GBE1: variants seen among roughly 807,000 people sequenced by gnomAD.
The protein encoded by GBE1 is 1,4-alpha-glucan branching enzyme 1, also known as 1,4-alpha-glucan-branching enzyme.
A neutral mutation model predicts 88.8 loss-of-function variants in GBE1; 70 were observed. The observed-to-expected ratio is 0.79, with a 90% CI of 0.65 to 0.96. GBE1 has a LOEUF of 0.96. Among genes scored for constraint, GBE1 ranks in the 40% least tolerant of loss-of-function variants. The pLI is 0.00. For missense variants in GBE1, 872 were observed against 871.0 expected (o/e 1.00, Z -0.01); for synonymous variants, 284 against 300.1 (o/e 0.95, Z 0.56).
intron 1 of GBE1, among the ~76,000 whole-genome samples, chr3:81,726,900 A>G (rs1458912488): frequency 6.6e-6 from 1 of 152,116 alleles, no homozygotes; most frequent in Non-Finnish European, 1.5e-5. Context: ...ACTTCTTTTT[A>G]AAAATTACTT....
At chr3:81,625,243 C>T (rs1263310330) in intron 7 of GBE1, among the ~76,000 whole-genome samples, 1 of 152,158 alleles carries the variant, frequency 6.6e-6, no homozygotes, top group African/African-American at 2.4e-5. Context: ...AGACTCTAGA[C>T]ACTACTGATA....
intron 3 of GBE1, among the ~76,000 whole-genome samples, chr3:81,664,193 A>G (rs1039470149): frequency 1.3e-5 from 2 of 152,200 alleles, no homozygotes; most frequent in African/African-American, 4.8e-5. Context: ...TAAGATGAGA[A>G]GCAGTACTCT....
chr3:81,688,394 C>A (rs1705470475), intron 2 of GBE1, among the ~76,000 whole-genome samples: 1 of 151,926 alleles, frequency 6.6e-6, no homozygotes, highest in Admixed American at 6.5e-5. Flanking sequence ...AACACAGAAT[C>A]ACCCACAGAA....
chr3:81,686,539 C>T (rs1300695892), intron 2 of GBE1, among the ~76,000 whole-genome samples: 1 of 152,088 alleles, frequency 6.6e-6, no homozygotes, highest in African/African-American at 2.4e-5. Context: ...GGTGGATCAC[C>T]TGAGGTCAGG....
intron 3 of GBE1, among the ~76,000 whole-genome samples, chr3:81,665,861 G>A (rs1206569482): frequency 6.6e-6 from 1 of 152,170 alleles, no homozygotes; most frequent in Non-Finnish European, 1.5e-5. Context: ...CAGTGGTAAT[G>A]AAGGTGCAGC....
chr3:81,539,067 A>G lies in GBE1; in HGVS notation c.1619-1972T>C, dbSNP rs372286066. 5.3e-5 allele frequency among the ~76,000 whole-genome samples: 8 copies of G among 152,114 alleles called. No individual in the cohort carries two copies. In the East Asian group the frequency reaches 1.6e-3, roughly 30 times the overall value. On this transcript the variant is annotated intron_variant, in intron 12 of 15. Coordinates refer to ENST00000429644, the MANE Select transcript of GBE1 (RefSeq NM_000158.4). ...CACATGAATTAACCCTATCTTCCAC[A>G]ATTGTCTAAGGTAGGTAATATCATT...
chr3:81,581,122 G>C (rs896599427), intron 11 of GBE1, 43 bp downstream of exon 11: 4 of 1,095,870 alleles, frequency 3.7e-6, no homozygotes, highest in Middle Eastern at 2.0e-4. Flanking sequence ...AGGAGGAAGA[G>C]AGAGAGAGAG....
chr3:81,742,516 A>G (rs1706362864), intron 1 of GBE1, among the ~76,000 whole-genome samples: 2 of 152,182 alleles, frequency 1.3e-5, no homozygotes, highest in South Asian at 4.1e-4. Flanking sequence ...ACCAAATAAT[A>G]TCAAAGAAGG....
In GBE1 at chr3:81,531,163, A is replaced by C. The variant is rs189898586; in HGVS notation, c.1934+4032T>G. On this transcript the variant is annotated intron_variant, in intron 14 of 15. Transcript: ENST00000429644. ...ACTGCTGATGTTTGTTCAAAGCCCA[A>C]GGGCTCCTTAGTCAGCAGTTGGTGA... Among the ~76,000 whole-genome samples, 294 of 151,800 alleles carry C rather than the reference A, an allele frequency of 1.9e-3. 1 individual carries two copies. Among genetic ancestry groups the C allele is most frequent in the African/African-American group, 6.9e-3 (284 of 41,440 alleles).
At chr3:81,514,257 T>C (rs1472834964) in intron 14 of GBE1, among the ~76,000 whole-genome samples, 1 of 151,558 alleles carries the variant, frequency 6.6e-6, no homozygotes, top group East Asian at 1.9e-4. Context: ...TAATTTTACA[T>C]ACAAACATAA....
At chr3:81,678,761 A>G (rs1378117323) in intron 2 of GBE1, among the ~76,000 whole-genome samples, 1 of 152,160 alleles carries the variant, frequency 6.6e-6, no homozygotes, top group Non-Finnish European at 1.5e-5. Context: ...AAATGGGAAA[A>G]CTTAATAAGT....
At chr3:81,747,282 ACT>A (rs567391304) in intron 1 of GBE1, among the ~76,000 whole-genome samples, 31 of 152,194 alleles carry the variant, frequency 2.0e-4, no homozygotes, top group African/African-American at 6.3e-4. Context: ...TCTGTGAAAG[ACT>A]CTGTTTAGAA....
rs549150271 is a variant in GBE1, at chr3:81,561,236, G to C, written c.1618+16689C>G. 4.6e-5 allele frequency among the ~76,000 whole-genome samples: 7 copies of C among 151,974 alleles called. No homozygotes were observed. The South Asian group carries it at 1.4e-3, about 31-fold the overall frequency. On this transcript the variant is annotated intron_variant, in intron 12 of 15. Coordinates refer to ENST00000429644, the MANE Select transcript of GBE1 (RefSeq NM_000158.4). The stretch of plus-strand genomic sequence containing the variant: ...AGTAGCTGTGTCAGTTTTGAGTTGT[G>C]AAATATAATGCAGAAGTTGATTCAA...
rs553777444 is a variant in GBE1 at position 81,637,022 on chromosome 3, C to T, written c.992+5759G>A. 2.6e-5 allele frequency among the ~76,000 whole-genome samples: 4 copies of T among 152,170 alleles called. No homozygotes were observed. In the South Asian group the frequency reaches 8.3e-4, roughly 32 times the overall value. ...TGGATGCCTGAAACCATGGATAATA[C>T]CAAACCCTATATATACTGTGTCTTT... On this transcript the variant is annotated intron_variant, in intron 7 of 15. Coordinates refer to ENST00000429644, the MANE Select transcript of GBE1 (RefSeq NM_000158.4).
chr3:81,583,836 TA>T (rs1322021280), intron 10 of GBE1, among the ~76,000 whole-genome samples: 17 of 151,468 alleles, frequency 1.1e-4, no homozygotes, highest in Non-Finnish European at 2.1e-4. Context: ...GCACCTTGAG[TA>T]TATCAATGTG....
At chr3:81,753,594 A>G (rs1465592430) in intron 1 of GBE1, among the ~76,000 whole-genome samples, 1 of 152,182 alleles carries the variant, frequency 6.6e-6, no homozygotes, top group African/African-American at 2.4e-5. Context: ...ACACACAGTC[A>G]TTTCTCAGGA....
intron 14 of GBE1, among the ~76,000 whole-genome samples, chr3:81,532,199 T>C (rs1472987311): frequency 6.6e-6 from 1 of 151,972 alleles, no homozygotes; most frequent in Non-Finnish European, 1.5e-5. Flanking sequence ...ATTGCTGACC[T>C]GATTTTTGGT....
chr3:81,674,230 C>T (rs1705224484), intron 2 of GBE1, among the ~76,000 whole-genome samples: 1 of 151,786 alleles, frequency 6.6e-6, no homozygotes, highest in African/African-American at 2.4e-5. Flanking sequence ...CCACTTCTAC[C>T]ACACTACATC....
chr3:81,711,520 T>G (rs1705865348), intron 1 of GBE1, among the ~76,000 whole-genome samples: 1 of 152,182 alleles, frequency 6.6e-6, no homozygotes, highest in South Asian at 2.1e-4. Context: ...ATGTGTAGTA[T>G]TATTTCTGAG....
Sources: gnomAD v4.1 joint callset for allele counts (sites outside exome capture counted in the v4.1 genomes callset) on GRCh38, gnomAD v4.1.1 for gene constraint, MANE v1.5 for transcripts, NCBI Gene and HGNC (gene_info 2026-07-23, HGNC 2026-07-21) for gene names.